EPHA6: variants seen among roughly 807,000 people sequenced by gnomAD.
EPHA6 encodes ephrin type-A receptor 6.
Under a neutral mutation model 112.0 loss-of-function variants are expected in EPHA6, and 50 were observed. The ratio of observed to expected loss-of-function variants is 0.45; its 90% CI spans 0.36 to 0.56. The LOEUF (loss-of-function observed/expected upper bound fraction) is 0.56, where lower values mean the gene tolerates loss of function less well. Among genes scored for constraint, EPHA6 ranks in the 20% least tolerant of loss-of-function variants. The pLI is 0.00. For missense variants in EPHA6, 1,280 were observed against 1,417.4 expected (o/e 0.90, Z 1.56); for synonymous variants, 529 against 490.7 (o/e 1.08, Z -1.03).
chr3:97,040,902 A>G (rs2045289556), intron 3 of EPHA6, among the ~76,000 whole-genome samples: 1 of 152,084 alleles, frequency 6.6e-6, no homozygotes, highest in Non-Finnish European at 1.5e-5. Flanking sequence ...ACACTTTTAA[A>G]GGGAATGTAA....
intron 5 of EPHA6, among the ~76,000 whole-genome samples, chr3:97,285,113 T>C (rs921606270): frequency 6.6e-6 from 1 of 152,144 alleles, no homozygotes; most frequent in Non-Finnish European, 1.5e-5. Context: ...AAATTTCAAA[T>C]ACCACGACTC....
At chr3:97,434,417 C>G (rs1315894551) in intron 6 of EPHA6, among the ~76,000 whole-genome samples, 1 of 152,034 alleles carries the variant, frequency 6.6e-6, no homozygotes, top group Non-Finnish European at 1.5e-5. Context: ...TGTAAACTTT[C>G]AATTGATTTA....
rs1052355069 is a variant in EPHA6 at position 97,603,010 on chromosome 3, T to G, written c.2513-7783T>G. Among the ~76,000 whole-genome samples the G allele has an allele frequency of 4.6e-5, 7 of 152,146 alleles. No homozygotes were observed. The East Asian group carries it at 1.4e-3, about 29-fold the overall frequency. ...GGGGAAGCAAAAATCACAAATAATTTCAAAAGATATGCTTTTAATTTGTAT... is the reference window on the plus strand; with the variant it reads ...GGGGAAGCAAAAATCACAAATAATTGCAAAAGATATGCTTTTAATTTGTAT... On this transcript the variant is annotated intron_variant, in intron 12 of 17. Transcript: ENST00000389672.
chr3:97,341,510 AC>A (rs1333426952), intron 5 of EPHA6, among the ~76,000 whole-genome samples: 4 of 152,020 alleles, frequency 2.6e-5, no homozygotes, highest in Non-Finnish European at 4.4e-5. Context: ...GCCCGCCACC[AC>A]GCCTGGCTAA....
chr3:97,188,940 T>C (rs959598595), intron 3 of EPHA6, among the ~76,000 whole-genome samples: 1 of 151,806 alleles, frequency 6.6e-6, no homozygotes, highest in Admixed American at 6.6e-5. Context: ...GCAGGTGACA[T>C]TTCCTTTAGT....
At chr3:97,689,921 A>G (rs189468562) in intron 14 of EPHA6, among the ~76,000 whole-genome samples, 43 of 152,294 alleles carry the variant, frequency 2.8e-4, no homozygotes, top group Non-Finnish European at 5.0e-4. Flanking sequence ...GCTAAGCATA[A>G]TGTTTTCAAA....
intron 3 of EPHA6, among the ~76,000 whole-genome samples, chr3:97,191,076 G>C (rs1211131420): frequency 6.6e-6 from 1 of 151,972 alleles, no homozygotes; most frequent in Non-Finnish European, 1.5e-5. Flanking sequence ...TGTACTTGTT[G>C]TCTTCTGTAT....
intron 5 of EPHA6, among the ~76,000 whole-genome samples, chr3:97,321,892 C>T (rs1008696475): frequency 3.9e-5 from 6 of 151,924 alleles, no homozygotes; most frequent in African/African-American, 1.2e-4. Context: ...AATGAAAAGG[C>T]GGAGCTCTTT....
At chr3:97,379,034 C>G (rs2109012243) in intron 5 of EPHA6, among the ~76,000 whole-genome samples, 1 of 152,278 alleles carries the variant, frequency 6.6e-6, no homozygotes, top group African/African-American at 2.4e-5. Context: ...TCTGTGTCCC[C>G]ACCCAGATCT....
intron 3 of EPHA6, among the ~76,000 whole-genome samples, chr3:96,993,280 T>C (rs1227587197): frequency 6.6e-6 from 1 of 151,510 alleles, no homozygotes; most frequent in East Asian, 1.9e-4. Context: ...TATGTTTCCC[T>C]TCCACCTATC....
At chr3:96,838,816 AT>A (rs2034568504) in intron 1 of EPHA6, among the ~76,000 whole-genome samples, 1 of 152,072 alleles carries the variant, frequency 6.6e-6, no homozygotes, top group South Asian at 2.1e-4. Flanking sequence ...TGAATGGTAC[AT>A]TTTGTGTTGA....
chr3:97,025,222 A>G (rs760946541), intron 3 of EPHA6, among the ~76,000 whole-genome samples: 4 of 152,230 alleles, frequency 2.6e-5, no homozygotes, highest in Non-Finnish European at 4.4e-5. Context: ...AGCACTCACC[A>G]TTATTATGCA....
chr3:97,499,805 G>T (rs2092071416), intron 10 of EPHA6, among the ~76,000 whole-genome samples: 1 of 152,120 alleles, frequency 6.6e-6, no homozygotes. Context: ...AGTTGCTCTG[G>T]ATAAGTCAGT....
At chr3:97,426,602 GA>G (rs2089146060) in intron 6 of EPHA6, among the ~76,000 whole-genome samples, 2 of 152,230 alleles carry the variant, frequency 1.3e-5, no homozygotes, top group South Asian at 4.1e-4. Context: ...ATTCCTAGAA[GA>G]AAACCTAGGA....
rs1280083212 is a variant in EPHA6 at position 97,319,723 on chromosome 3, G to A, written c.1606+75436G>A. Among the ~76,000 whole-genome samples, 6 of 141,844 alleles carry A rather than the reference G, an allele frequency of 4.2e-5. No individual in the cohort carries two copies. In the South Asian group the frequency reaches 6.8e-4, roughly 16 times the overall value. The allele number at this position is 141,844 out of a possible 152,430, so 93.1% of individuals were successfully genotyped here. On this transcript the variant is annotated intron_variant, in intron 5 of 17. Transcript: ENST00000389672. ...ACAACACCAAAAAACAAAACAAAACGAAAAAAACAGGAAAAATATATAAAG... is the reference window on the plus strand; with the variant it reads ...ACAACACCAAAAAACAAAACAAAACAAAAAAAACAGGAAAAATATATAAAG...
At chr3:96,843,890 GA>G (rs1028198628) in intron 1 of EPHA6, among the ~76,000 whole-genome samples, 6 of 151,260 alleles carry the variant, frequency 4.0e-5, no homozygotes, top group South Asian at 4.2e-4. Flanking sequence ...TTTATTATTT[GA>G]AAAAAACCCA....
At chr3:97,466,416 T>C (rs1452419115) in intron 7 of EPHA6, 9 of 1,602,092 alleles carry the variant, frequency 5.6e-6, no homozygotes, top group African/African-American at 2.7e-5. Context: ...TTATATTCCA[T>C]AGGACTCTCC....
At position 97,754,010 on chromosome 3, in the gene EPHA6, C is replaced by T. The variant is rs1452274364; in HGVS notation, c.*5309C>T. Among the ~76,000 whole-genome samples, 1 of 150,702 alleles carries T rather than the reference C, an allele frequency of 6.6e-6. No individual in the cohort carries two copies. Among genetic ancestry groups the T allele is most frequent in the Non-Finnish European group, 1.5e-5 (1 of 67,762 alleles). On this transcript the variant is annotated 3_prime_UTR_variant, in exon 18 of 18. Transcript: ENST00000389672. ...TCAAAATGTAGTTTTAACAAATCATCTTTTTCTGAGTAATAAATTAGCTTC... is the reference window on the plus strand; with the variant it reads ...TCAAAATGTAGTTTTAACAAATCATTTTTTTCTGAGTAATAAATTAGCTTC...
At chr3:96,951,489 A>G (rs751450521) in intron 2 of EPHA6, among the ~76,000 whole-genome samples, 7 of 152,100 alleles carry the variant, frequency 4.6e-5, no homozygotes, top group Non-Finnish European at 7.4e-5. Context: ...CTGATGATAT[A>G]TTTTCTATTA....
Sources: allele counts gnomAD v4.1 joint callset (sites outside exome capture counted in the v4.1 genomes callset), GRCh38; gene constraint gnomAD v4.1.1; transcripts MANE v1.5; gene names NCBI Gene and HGNC (gene_info 2026-07-23, HGNC 2026-07-21).